ANKS1B: variants seen among roughly 807,000 people sequenced by gnomAD.
ANKS1B encodes the protein ankyrin repeat and sterile alpha motif domain-containing protein 1B.
ANKS1B carries 36 observed loss-of-function variants against 148.3 expected under a neutral mutation model. The observed-to-expected ratio is 0.24, with a 90% CI of 0.19 to 0.32. The LOEUF is 0.32. ANKS1B is among the 10% of genes least tolerant of loss of function. The pLI, the probability that ANKS1B is intolerant of heterozygous loss-of-function variation, is 1.00. For synonymous variants in ANKS1B, 542 were observed against 560.8 expected, an observed-to-expected ratio of 0.97 and a Z score of 0.47; for missense variants, 1,157 against 1,542.6, an observed-to-expected ratio of 0.75 and a Z score of 4.19.
At chr12:99,733,255 C>T (rs2059333140) in intron 8 of ANKS1B, among the ~76,000 whole-genome samples, 1 of 152,168 alleles carries the variant, frequency 6.6e-6, no homozygotes, top group African/African-American at 2.4e-5. Context: ...ACTTGAACTC[C>T]TATAATCAAC....
In ANKS1B at chr12:99,812,564, G is replaced by C. The variant is rs940364670; in HGVS notation, c.216-253C>G. On this transcript the variant is annotated intron_variant, in intron 2 of 26. Coordinates refer to ENST00000683438, the MANE Select transcript of ANKS1B (RefSeq NM_001352186.2). ...ACACACACACACACACACACAGAGA[G>C]AGAGAGAGAGAGAAAGAGAGCGAGA... Among the ~76,000 whole-genome samples, 1,851 of 89,912 alleles carry C rather than the reference G, an allele frequency of 0.021. 15 individuals are homozygous for C. Among genetic ancestry groups the C allele is most frequent in the East Asian group, 0.058 (79 of 1,362 alleles). The allele number at this position is 89,912 out of a possible 152,430, so 59.0% of individuals were successfully genotyped here.
At chr12:99,794,677 G>A (rs1171462219) in intron 4 of ANKS1B, among the ~76,000 whole-genome samples, 1 of 151,876 alleles carries the variant, frequency 6.6e-6, no homozygotes, top group African/African-American at 2.4e-5. Flanking sequence ...ATAAAGAAGG[G>A]TGGTTACCAG....
At chr12:99,717,199 C>T (rs1409269679) in intron 8 of ANKS1B, among the ~76,000 whole-genome samples, 1 of 152,182 alleles carries the variant, frequency 6.6e-6, no homozygotes, top group African/African-American at 2.4e-5. Flanking sequence ...TCTTATTACC[C>T]AATCTGCTCC....
rs1234119632 is a variant in ANKS1B at position 99,856,344 on chromosome 12, C to G, written c.135-30955G>C. 2.0e-5 allele frequency among the ~76,000 whole-genome samples: 3 copies of G among 151,980 alleles called. No individual in the cohort carries two copies. In the East Asian group the frequency reaches 5.8e-4, roughly 29 times the overall value. On this transcript the variant is annotated intron_variant, in intron 1 of 26. Coordinates refer to ENST00000683438, the MANE Select transcript of ANKS1B (RefSeq NM_001352186.2). ...TGGATAAATTCCTGGAAATATACAG[C>G]CCTCCTACATTAAACCAAGAAGTAG...
chr12:99,826,649 A>C (rs2083222383), intron 1 of ANKS1B, among the ~76,000 whole-genome samples: 1 of 152,208 alleles, frequency 6.6e-6, no homozygotes, highest in Admixed American at 6.5e-5. Context: ...AATGACTCCT[A>C]GTTTGCAGAC....
At chr12:99,735,912 C>T (rs1041009889) in intron 8 of ANKS1B, among the ~76,000 whole-genome samples, 7 of 150,340 alleles carry the variant, frequency 4.7e-5, no homozygotes, top group African/African-American at 1.7e-4. Context: ...ATAACACATA[C>T]ACCATGATCT....
At chr12:99,894,611 T>C (rs1211526849) in intron 1 of ANKS1B, among the ~76,000 whole-genome samples, 6 of 150,934 alleles carry the variant, frequency 4.0e-5, no homozygotes, top group Admixed American at 3.3e-4. Flanking sequence ...TGAGAGGCCT[T>C]CAACAGAAAC....
Position 99,772,911 on chromosome 12 carries a change from G to A in ANKS1B, c.1128+11C>T, listed in dbSNP as rs148518781. 2.1e-5 allele frequency: 33 copies of A among 1,604,956 alleles called. No homozygotes were observed. The African/African-American group carries it at 2.8e-4, about 14-fold the overall frequency. On this transcript the variant is annotated intron_variant, in intron 8 of 26. Coordinates refer to ENST00000683438, the MANE Select transcript of ANKS1B (RefSeq NM_001352186.2). The stretch of plus-strand genomic sequence containing the variant: ...AGACACATTATCTTCATTCCCCCCC[G>A]CCTTACTTACTACACTCTGGCTTCC...
chr12:98,999,957 G>A (rs2099931923), intron 17 of ANKS1B, among the ~76,000 whole-genome samples: 1 of 152,150 alleles, frequency 6.6e-6, no homozygotes, highest in Non-Finnish European at 1.5e-5. Flanking sequence ...TTACGAGAGT[G>A]ATGATCTCTT....
intron 9 of ANKS1B, among the ~76,000 whole-genome samples, chr12:99,621,257 A>T (rs1360448848): frequency 6.6e-6 from 1 of 152,130 alleles, no homozygotes; most frequent in South Asian, 2.1e-4. Context: ...AGTTCTAAAC[A>T]TGGAAATGAA....
intron 14 of ANKS1B, among the ~76,000 whole-genome samples, chr12:99,214,059 A>G (rs534691576): frequency 2.0e-5 from 3 of 152,296 alleles, no homozygotes; most frequent in African/African-American, 7.2e-5. Flanking sequence ...GAAGTTTTAG[A>G]AAAATTTGAA....
At chr12:99,544,579 C>T (rs1053489396) in intron 9 of ANKS1B, among the ~76,000 whole-genome samples, 3 of 152,166 alleles carry the variant, frequency 2.0e-5, no homozygotes, top group Non-Finnish European at 4.4e-5. Context: ...AGGACAGCTT[C>T]ATTGCCACTG....
chr12:99,218,195 T>TA (rs1566658315), intron 14 of ANKS1B, among the ~76,000 whole-genome samples: 1 of 152,150 alleles, frequency 6.6e-6, no homozygotes, highest in Non-Finnish European at 1.5e-5. Context: ...TTTTTGAATT[T>TA]AAAAAAAGTC....
At chr12:99,753,771 T>C (rs1184612807) in intron 8 of ANKS1B, among the ~76,000 whole-genome samples, 2 of 151,906 alleles carry the variant, frequency 1.3e-5, no homozygotes, top group African/African-American at 4.8e-5. Flanking sequence ...CCTGTAATAC[T>C]AGCACTTTGG....
At chr12:99,598,472 C>G (rs1413205817) in intron 9 of ANKS1B, among the ~76,000 whole-genome samples, 2 of 152,064 alleles carry the variant, frequency 1.3e-5, no homozygotes, top group Non-Finnish European at 2.9e-5. Context: ...GATATGGAAA[C>G]AGGCTTAGAG....
intron 9 of ANKS1B, among the ~76,000 whole-genome samples, chr12:99,549,630 TTTGCTTAGTAATAGCAATTAGATA>T (rs1292106825): frequency 6.6e-6 from 1 of 152,324 alleles, no homozygotes; most frequent in Admixed American, 6.5e-5. Context: ...AAACCAGTGG[TTTGCTTAGTAATAGCAATTAGATA>T]TTGCTTAGTA....
At chr12:99,453,254 C>T (rs953448022) in intron 10 of ANKS1B, among the ~76,000 whole-genome samples, 2 of 151,958 alleles carry the variant, frequency 1.3e-5, no homozygotes, top group African/African-American at 4.8e-5. Flanking sequence ...TGCACCACTG[C>T]ACTCCAGCCT....
At chr12:99,146,557 G>C (rs900141395) in intron 15 of ANKS1B, among the ~76,000 whole-genome samples, 1 of 152,116 alleles carries the variant, frequency 6.6e-6, no homozygotes, top group Non-Finnish European at 1.5e-5. Context: ...ATATACTCTA[G>C]TCGGCTTGGT....
chr12:98,853,247 G>A (rs534531013), intron 17 of ANKS1B, among the ~76,000 whole-genome samples: 62 of 152,192 alleles, frequency 4.1e-4, no homozygotes, highest in Non-Finnish European at 7.1e-4. Context: ...TTTACAACTT[G>A]ACGGCTTTCA....
Sources: allele counts gnomAD v4.1 joint callset (sites outside exome capture counted in the v4.1 genomes callset), GRCh38; gene constraint gnomAD v4.1.1; transcripts MANE v1.5; gene names NCBI Gene and HGNC (gene_info 2026-07-23, HGNC 2026-07-21).